The following ATF6 variants were observed in gnomAD, a reference collection of about 807,000 sequenced individuals.
The protein encoded by ATF6 is activating transcription factor 6, also known as cyclic AMP-dependent transcription factor ATF-6 alpha.
A neutral mutation model predicts 83.6 loss-of-function variants in ATF6; 53 were observed. The ratio of observed to expected loss-of-function variants is 0.63; its 90% CI spans 0.51 to 0.80. The LOEUF (loss-of-function observed/expected upper bound fraction) is 0.80. ATF6 is among the 30% of genes least tolerant of loss of function. The pLI, the probability that ATF6 is intolerant of heterozygous loss-of-function variation, is 0.00. For synonymous variants in ATF6, 288 were observed against 285.8 expected (o/e 1.01, Z -0.08); for missense variants, 744 against 797.9 (o/e 0.93, Z 0.81).
intron 4 of ATF6, among the ~76,000 whole-genome samples, chr1:161,790,525 G>A (rs1413681526): frequency 2.0e-5 from 3 of 152,136 alleles, no homozygotes; most frequent in African/African-American, 7.2e-5. Context: ...AAATAGCACT[G>A]TTGGCTGGGT....
intron 9 of ATF6, among the ~76,000 whole-genome samples, chr1:161,829,707 A>C (rs1170842841): frequency 6.6e-6 from 1 of 152,142 alleles, no homozygotes; most frequent in Non-Finnish European, 1.5e-5. Context: ...CAAAAACCAC[A>C]TAATTATCTC....
chr1:161,885,970 T>G (rs1421841795), intron 14 of ATF6, among the ~76,000 whole-genome samples: 1 of 152,224 alleles, frequency 6.6e-6, no homozygotes, highest in Non-Finnish European at 1.5e-5. Flanking sequence ...CATTTAATCC[T>G]TTCAACAGCT....
intron 15 of ATF6, among the ~76,000 whole-genome samples, chr1:161,931,523 T>C (rs1229995438): frequency 6.6e-6 from 1 of 152,122 alleles, no homozygotes; most frequent in Non-Finnish European, 1.5e-5. Flanking sequence ...ATTTCACCCA[T>C]TTAAAATCTA....
chr1:161,939,284 A>T (rs1210274934), intron 15 of ATF6, among the ~76,000 whole-genome samples: 1 of 152,172 alleles, frequency 6.6e-6, no homozygotes, highest in Non-Finnish European at 1.5e-5. Flanking sequence ...AAATATCCCA[A>T]GGCCTAGACC....
chr1:161,821,073 C>G lies in ATF6; in HGVS notation c.1099C>G (p.Gln367Glu). 4.4e-6 allele frequency: 7 copies of G among 1,603,818 alleles called. No homozygotes were observed. Among genetic ancestry groups the G allele is most frequent in the Non-Finnish European group, 6.0e-6 (7 of 1,174,584 alleles). Residue 367 changes from glutamine to glutamate, a missense_variant, in exon 9 of 16, where the codon CAG becomes GAG. Physicochemically the swap from Gln to Glu is conservative, Grantham distance 29 (BLOSUM62 2). Coordinates refer to ENST00000367942, the MANE Select transcript of ATF6 (RefSeq NM_007348.4). ...TTAATGTGGTCATTTCCTTTAGAACCAGAGGCTTAAAGTCCCTAGTCCAAA... is the reference window on the plus strand; with the variant it reads ...TTAATGTGGTCATTTCCTTTAGAACGAGAGGCTTAAAGTCCCTAGTCCAAA... ...RQLDEVVSEN[Q>E]RLKVPSPKRR...
intron 9 of ATF6, among the ~76,000 whole-genome samples, chr1:161,839,560 A>G (rs936109746): frequency 6.6e-6 from 1 of 152,090 alleles, no homozygotes; most frequent in South Asian, 2.1e-4. Flanking sequence ...TATCGTAGAG[A>G]TGAGGTTTCA....
At chr1:161,789,685 C>T (rs1684834287) in intron 4 of ATF6, among the ~76,000 whole-genome samples, 1 of 152,052 alleles carries the variant, frequency 6.6e-6, no homozygotes, top group Non-Finnish European at 1.5e-5. Context: ...CAGCATTGGA[C>T]TTGGCTGTAT....
intron 14 of ATF6, among the ~76,000 whole-genome samples, chr1:161,889,233 C>T (rs1357282056): frequency 6.6e-6 from 1 of 152,186 alleles, no homozygotes; most frequent in African/African-American, 2.4e-5. Context: ...GGTTATTTCC[C>T]AACAGCTGGA....
At chr1:161,899,336 A>G (rs2101877845) in intron 14 of ATF6, among the ~76,000 whole-genome samples, 1 of 152,326 alleles carries the variant, frequency 6.6e-6, no homozygotes, top group East Asian at 1.9e-4. Context: ...CCCATTTGAA[A>G]TCAACTGTGT....
At chr1:161,863,882 A>T (rs1019129861) in intron 14 of ATF6, among the ~76,000 whole-genome samples, 2 of 152,218 alleles carry the variant, frequency 1.3e-5, no homozygotes, top group Admixed American at 1.3e-4. Context: ...TTTGAATGTT[A>T]TGAATGTTAG....
At chr1:161,939,087 G>A (rs72708099) in intron 15 of ATF6, among the ~76,000 whole-genome samples, 1,907 of 152,156 alleles carry the variant, frequency 0.013, 24 homozygotes, top group Non-Finnish European at 0.017. Context: ...TTCCATCACC[G>A]TCATGCTACC....
chr1:161,827,059 G>A (rs1383123205), intron 9 of ATF6, among the ~76,000 whole-genome samples: 1 of 151,500 alleles, frequency 6.6e-6, no homozygotes, highest in Admixed American at 6.6e-5. Context: ...AGCCTCCCGA[G>A]TAGCTGGGAT....
intron 14 of ATF6, among the ~76,000 whole-genome samples, chr1:161,866,466 G>A (rs1687002460): frequency 1.3e-5 from 2 of 152,172 alleles, no homozygotes; most frequent in Non-Finnish European, 2.9e-5. Context: ...CAGTACTCCA[G>A]ACAAAGGTCC....
intron 1 of ATF6, among the ~76,000 whole-genome samples, chr1:161,774,849 C>T (rs748135235): frequency 1.6e-4 from 25 of 152,184 alleles, no homozygotes; most frequent in Admixed American, 3.3e-4. Flanking sequence ...CTTATCATGT[C>T]TCATCAGTGT....
At chr1:161,945,356 T>G (rs1305422728) in intron 15 of ATF6, among the ~76,000 whole-genome samples, 1 of 152,236 alleles carries the variant, frequency 6.6e-6, no homozygotes, top group Non-Finnish European at 1.5e-5. Flanking sequence ...AATTAATCTC[T>G]TTATTTCTCC....
chr1:161,846,696 A>G (rs1175438288), intron 10 of ATF6, 116 bp downstream of exon 10: 1 of 1,040,488 alleles, frequency 9.6e-7, no homozygotes, highest in East Asian at 3.2e-5. Flanking sequence ...GAGTAGTAGA[A>G]CACATAAATT....
At chr1:161,939,032 A>G (rs990526313) in intron 15 of ATF6, among the ~76,000 whole-genome samples, 2 of 152,112 alleles carry the variant, frequency 1.3e-5, no homozygotes, top group Non-Finnish European at 2.9e-5. Flanking sequence ...ACCCACTCCA[A>G]ATAGGCTTTC....
At chr1:161,901,668 GT>G (rs1467321253) in intron 14 of ATF6, among the ~76,000 whole-genome samples, 3 of 152,090 alleles carry the variant, frequency 2.0e-5, no homozygotes, top group Admixed American at 6.5e-5. Context: ...CAGGTAAGTA[GT>G]TGCAAAGGGA....
rs150840142 is a variant in ATF6, at chr1:161,854,880, A to G, written c.1533+1557A>G. Reference sequence around the variant, plus strand: ...GACTCCGTCTAAAAAAGAAAAAAAAAAAGATTTAGGGGAAAATCTGGAGAA... The same window carrying G: ...GACTCCGTCTAAAAAAGAAAAAAAAGAAGATTTAGGGGAAAATCTGGAGAA... On this transcript the variant is annotated intron_variant, in intron 12 of 15. Coordinates refer to ENST00000367942, the MANE Select transcript of ATF6 (RefSeq NM_007348.4). Among the ~76,000 whole-genome samples the G allele has an allele frequency of 3.9e-5, 6 of 152,196 alleles. No homozygotes were observed. In the East Asian group the frequency reaches 1.2e-3, roughly 29 times the overall value.
Sources: allele counts gnomAD v4.1 joint callset (sites outside exome capture counted in the v4.1 genomes callset), GRCh38; gene constraint gnomAD v4.1.1; transcripts MANE v1.5; gene names NCBI Gene and HGNC (gene_info 2026-07-23, HGNC 2026-07-21).